The following TOGARAM1 variants were observed in gnomAD, a reference collection of about 807,000 sequenced individuals.
TOGARAM1 encodes the protein TOG array regulator of axonemal microtubules 1.
A neutral mutation model predicts 166.6 loss-of-function variants in TOGARAM1; 100 were observed. That is an observed-to-expected ratio of 0.60 (90% CI 0.51 to 0.71). The LOEUF is 0.71. Among genes scored for constraint, TOGARAM1 ranks in the 30% least tolerant of loss-of-function variants. The probability of loss-of-function intolerance (pLI) is 0.00; values close to 1 mark genes in which losing one functional copy is unlikely to be tolerated. For synonymous variants in TOGARAM1, 758 were observed against 763.8 expected, an observed-to-expected ratio of 0.99 and a Z score of 0.13; for missense variants, 2,029 against 2,102.7, an observed-to-expected ratio of 0.96 and a Z score of 0.69.
chr14:45,052,358 G>A, intron 14 of TOGARAM1, 78 bp from the exon 15 acceptor site: 1 of 1,225,086 alleles, frequency 8.2e-7, no homozygotes, highest in Non-Finnish European at 1.1e-6. Context: ...TTTTTCTATT[G>A]AAACAATGCA....
chr14:44,999,235 T>C, intron 2 of TOGARAM1, 128 bp from the exon 3 acceptor site: 1 of 855,492 alleles, frequency 1.2e-6, no homozygotes, highest in Non-Finnish European at 1.7e-6. Flanking sequence ...CTTGCCTGCC[T>C]ACCTCACTGT....
intron 1 of TOGARAM1, among the ~76,000 whole-genome samples, chr14:44,992,256 A>G (rs1475032278): frequency 6.6e-6 from 1 of 152,140 alleles, no homozygotes; most frequent in Non-Finnish European, 1.5e-5. Context: ...ATAGGAAAAT[A>G]ATTTGAAAGA....
chr14:44,964,604 G>C, intron 1 of TOGARAM1, 137 bp downstream of exon 1: 1 of 989,012 alleles, frequency 1.0e-6, no homozygotes, highest in Non-Finnish European at 1.4e-6. Flanking sequence ...CCATCTGAAT[G>C]TTGGTACTCA....
chr14:45,013,740 C>T (rs1879948996), intron 7 of TOGARAM1, among the ~76,000 whole-genome samples: 1 of 152,124 alleles, frequency 6.6e-6, no homozygotes, highest in Non-Finnish European at 1.5e-5. Flanking sequence ...CAAAGAAATA[C>T]ATAAACTTAT....
intron 1 of TOGARAM1, among the ~76,000 whole-genome samples, chr14:44,985,097 T>A (rs1354842387): frequency 2.6e-5 from 4 of 152,038 alleles, no homozygotes; most frequent in African/African-American, 4.8e-5. Context: ...CACTGCAACC[T>A]CTGCCTCCCA....
chr14:45,038,861 G>A (rs959287248), intron 11 of TOGARAM1, among the ~76,000 whole-genome samples: 2 of 152,208 alleles, frequency 1.3e-5, no homozygotes, highest in Non-Finnish European at 2.9e-5. Flanking sequence ...ACCTCCAGTT[G>A]TGGAGCAAGG....
intron 2 of TOGARAM1, among the ~76,000 whole-genome samples, chr14:44,998,054 C>T (rs1374530399): frequency 6.6e-6 from 1 of 152,138 alleles, no homozygotes; most frequent in African/African-American, 2.4e-5. Flanking sequence ...ATATATTATT[C>T]AGTAAACATT....
chr14:45,021,613 T>C (rs1232214792), intron 7 of TOGARAM1, among the ~76,000 whole-genome samples: 1 of 151,054 alleles, frequency 6.6e-6, no homozygotes, highest in Non-Finnish European at 1.5e-5. Flanking sequence ...CCGGGTTCTT[T>C]TGGCAGTAGC....
chr14:45,018,083 G>T (rs1236206051), intron 7 of TOGARAM1, among the ~76,000 whole-genome samples: 4 of 152,064 alleles, frequency 2.6e-5, no homozygotes, highest in Non-Finnish European at 1.5e-5. Flanking sequence ...AGTAATTGTG[G>T]CTTTTGCCAT....
Position 45,068,424 on chromosome 14 carries a change from A to AT in TOGARAM1, c.4755dup (p.Asp1586Ter). 2.5e-6 allele frequency: 4 copies of AT among 1,597,788 alleles called. No homozygotes were observed. The highest frequency in any genetic ancestry group is 3.4e-6 in the Non-Finnish European group (4 of 1,172,384). ...AAATAATTTACCAATTTATTTTCAG[A>AT]TTTTTGATGCTTTTAAATCTCGACT... On this transcript the variant is annotated frameshift_variant and splice_region_variant, in exon 18 of 20. Coordinates refer to ENST00000361462, the MANE Select transcript of TOGARAM1 (RefSeq NM_001308120.2). LOFTEE classifies it high-confidence loss of function.
chr14:45,050,479 T>G (rs975146724), intron 14 of TOGARAM1, among the ~76,000 whole-genome samples: 2 of 151,602 alleles, frequency 1.3e-5, no homozygotes, highest in East Asian at 1.9e-4. Context: ...TCTTGAACTC[T>G]TGGGCTCAAG....
intron 11 of TOGARAM1, among the ~76,000 whole-genome samples, chr14:45,038,526 G>A (rs966120266): frequency 6.6e-6 from 1 of 152,200 alleles, no homozygotes; most frequent in Non-Finnish European, 1.5e-5. Context: ...CTGCTACAGC[G>A]GGACCAGACA....
At chr14:45,051,089 C>G (rs1029742180) in intron 14 of TOGARAM1, among the ~76,000 whole-genome samples, 2 of 152,146 alleles carry the variant, frequency 1.3e-5, no homozygotes, top group Non-Finnish European at 2.9e-5. Context: ...ATCTGAATTT[C>G]CACCATTAGA....
Position 45,009,035 on chromosome 14 carries a change from C to G in TOGARAM1, c.3027C>G (p.Ser1009=), listed in dbSNP as rs200026701. 1 of 1,614,024 alleles carries G rather than the reference C, an allele frequency of 6.2e-7. No individual in the cohort carries two copies. Among genetic ancestry groups the G allele is most frequent in the East Asian group, 2.2e-5 (1 of 44,870 alleles). The change falls in exon 6 of 20, where the codon TCC becomes TCG. Residue 1009 remains serine (S), a synonymous_variant. Transcript: ENST00000361462. ...TGAAGCTCGACTTGACGATGGACTC[C>G]CCGTCTCTGTCTTCCTCACCAAACA... ...SAMKLDLTMD[S]PSLSSSPNIN...
chr14:44,967,919 GTGA>G (rs1454626179), intron 1 of TOGARAM1, among the ~76,000 whole-genome samples: 1 of 150,906 alleles, frequency 6.6e-6, no homozygotes, highest in Non-Finnish European at 1.5e-5. Flanking sequence ...TTATCTGGTA[GTGA>G]TGATTTTTTT....
intron 4 of TOGARAM1, among the ~76,000 whole-genome samples, chr14:45,005,220 T>A (rs1388268446): frequency 6.6e-6 from 1 of 151,958 alleles, no homozygotes; most frequent in Non-Finnish European, 1.5e-5. Flanking sequence ...GGCTGAAACA[T>A]TTTTTATTAT....
At chr14:45,071,055 G>A (rs1883356793) in intron 18 of TOGARAM1, among the ~76,000 whole-genome samples, 1 of 151,964 alleles carries the variant, frequency 6.6e-6, no homozygotes, top group African/African-American at 2.4e-5. Flanking sequence ...CCAAGTAGCT[G>A]GGATTACAGG....
At chr14:44,965,869 ATTTTTTT>A (rs747983176) in intron 1 of TOGARAM1, among the ~76,000 whole-genome samples, 46 of 120,496 alleles carry the variant, frequency 3.8e-4, no homozygotes, top group African/African-American at 9.6e-4. Context: ...ACAAATAGTA[ATTTTTTT>A]TTTTTTTTTT....
intron 4 of TOGARAM1, among the ~76,000 whole-genome samples, chr14:45,005,189 C>T (rs923573169): frequency 2.0e-5 from 3 of 152,048 alleles, no homozygotes; most frequent in African/African-American, 7.2e-5. Flanking sequence ...GCTGGGATTA[C>T]AGGCGTGAGC....
Sources: allele counts gnomAD v4.1 joint callset (sites outside exome capture counted in the v4.1 genomes callset), GRCh38; gene constraint gnomAD v4.1.1; transcripts MANE v1.5; gene names NCBI Gene and HGNC (gene_info 2026-07-23, HGNC 2026-07-21).